FAM13A: variants seen among roughly 807,000 people sequenced by gnomAD.
FAM13A encodes the protein protein FAM13A.
FAM13A carries 76 observed loss-of-function variants against 129.6 expected under a neutral mutation model. The observed-to-expected ratio is 0.59, with a 90% CI of 0.49 to 0.71. The LOEUF is 0.71. Among genes scored for constraint, FAM13A ranks in the 30% least tolerant of loss-of-function variants. The pLI is 0.00. For missense variants in FAM13A, 1,108 were observed against 1,249.3 expected (o/e 0.89, Z 1.70); for synonymous variants, 443 against 449.9 (o/e 0.98, Z 0.20).
chr4:88,913,460 A>AGAG (rs1561319740), intron 5 of FAM13A, among the ~76,000 whole-genome samples: 1 of 145,088 alleles, frequency 6.9e-6, no homozygotes, highest in African/African-American at 2.5e-5. Flanking sequence ...AGGAAGAAGA[A>AGAG]GAAGAGGAGG....
intron 6 of FAM13A, among the ~76,000 whole-genome samples, chr4:88,876,257 T>A (rs1308189812): frequency 6.6e-6 from 1 of 152,102 alleles, no homozygotes; most frequent in Non-Finnish European, 1.5e-5. Context: ...AACCTGCACA[T>A]TGTGCACATG....
chr4:88,905,857 G>C (rs763705203), intron 6 of FAM13A: 1 of 152,464 alleles, frequency 6.6e-6, no homozygotes, highest in Admixed American at 6.5e-5. Context: ...TAAAGGTACT[G>C]TATAAAAAGT....
intron 11 of FAM13A, among the ~76,000 whole-genome samples, chr4:88,779,494 T>C (rs994808359): frequency 6.6e-6 from 1 of 152,216 alleles, no homozygotes; most frequent in African/African-American, 2.4e-5. Flanking sequence ...GAAAACATCT[T>C]TGAGAATACC....
intron 6 of FAM13A, among the ~76,000 whole-genome samples, chr4:88,857,255 T>C (rs535434086): frequency 6.6e-6 from 1 of 152,332 alleles, no homozygotes; most frequent in South Asian, 2.1e-4. Flanking sequence ...AGCAAGTCTG[T>C]ATTTTAGCAT....
At chr4:88,920,686 A>G (rs1750911212) in intron 5 of FAM13A, among the ~76,000 whole-genome samples, 1 of 152,242 alleles carries the variant, frequency 6.6e-6, no homozygotes, top group Admixed American at 6.5e-5. Flanking sequence ...CAGCAACGGA[A>G]CAAAGCTGGA....
intron 1 of FAM13A, among the ~76,000 whole-genome samples, chr4:89,046,285 A>C (rs1309649364): frequency 1.3e-5 from 2 of 152,142 alleles, no homozygotes; most frequent in African/African-American, 2.4e-5. Context: ...AGAAATGAAA[A>C]ACCTGGAACA....
At chr4:88,851,214 G>A in intron 6 of FAM13A, 31 bp from the exon 7 acceptor site, 1 of 1,505,290 alleles carries the variant, frequency 6.6e-7, no homozygotes, top group Non-Finnish European at 8.9e-7. Context: ...GGGTGGGGGA[G>A]AGCTAGATAA....
intron 21 of FAM13A, among the ~76,000 whole-genome samples, chr4:88,737,200 C>G (rs188459063): frequency 6.6e-6 from 1 of 151,858 alleles, no homozygotes; most frequent in East Asian, 1.9e-4. Context: ...TCCCTGAAAG[C>G]GAAGTAAAAA....
chr4:89,049,358 T>A (rs1229555461), intron 1 of FAM13A, among the ~76,000 whole-genome samples: 1 of 152,238 alleles, frequency 6.6e-6, no homozygotes, highest in African/African-American at 2.4e-5. Flanking sequence ...CTCACTTGTT[T>A]ATATATAGTT....
intron 1 of FAM13A, among the ~76,000 whole-genome samples, chr4:89,045,630 C>T (rs1431652175): frequency 6.6e-6 from 1 of 152,108 alleles, no homozygotes; most frequent in African/African-American, 2.4e-5. Flanking sequence ...AAATCATGCA[C>T]TATGTAATAA....
intron 3 of FAM13A, among the ~76,000 whole-genome samples, chr4:89,019,860 T>C (rs534374710): frequency 6.6e-6 from 1 of 152,266 alleles, no homozygotes; most frequent in Non-Finnish European, 1.5e-5. Flanking sequence ...AAAATTATTT[T>C]AGGACTCAAT....
intron 1 of FAM13A, among the ~76,000 whole-genome samples, chr4:89,039,302 T>TAA (rs1248638897): frequency 3.9e-5 from 6 of 152,220 alleles, no homozygotes; most frequent in African/African-American, 1.4e-4. Flanking sequence ...AAATGTAATA[T>TAA]ATGAATCTTG....
chr4:88,877,005 A>G (rs1742648814), intron 6 of FAM13A, among the ~76,000 whole-genome samples: 1 of 152,248 alleles, frequency 6.6e-6, no homozygotes, highest in Non-Finnish European at 1.5e-5. Flanking sequence ...GGAAAAATAC[A>G]TTGAACTGGA....
chr4:89,040,927 T>G (rs893125323), intron 1 of FAM13A, among the ~76,000 whole-genome samples: 1 of 152,210 alleles, frequency 6.6e-6, no homozygotes, highest in Non-Finnish European at 1.5e-5. Flanking sequence ...CTGAGTCTTC[T>G]GCCCTCCACC....
intron 14 of FAM13A, among the ~76,000 whole-genome samples, chr4:88,758,302 A>G (rs1180642858): frequency 6.6e-6 from 1 of 152,276 alleles, no homozygotes; most frequent in East Asian, 1.9e-4. Flanking sequence ...TATCCATAAA[A>G]ACGAACATAG....
At chr4:88,771,836 T>C (rs1279987401) in intron 11 of FAM13A, among the ~76,000 whole-genome samples, 1 of 152,206 alleles carries the variant, frequency 6.6e-6, no homozygotes, top group African/African-American at 2.4e-5. Context: ...ATAATTTATT[T>C]TGATAATTTT....
chr4:88,988,572 T>C (rs1762553037), intron 4 of FAM13A, among the ~76,000 whole-genome samples: 1 of 152,200 alleles, frequency 6.6e-6, no homozygotes, highest in Non-Finnish European at 1.5e-5. Context: ...TTGTTTTATC[T>C]AGTTAATGAG....
chr4:88,893,486 G>T (rs532289945), intron 6 of FAM13A, among the ~76,000 whole-genome samples: 55 of 152,248 alleles, frequency 3.6e-4, no homozygotes, highest in African/African-American at 1.2e-3. Context: ...AGCTGGGCGT[G>T]GTGGCGGGCG....
intron 7 of FAM13A, among the ~76,000 whole-genome samples, chr4:88,827,061 C>T (rs979598977): frequency 1.3e-5 from 2 of 152,302 alleles, no homozygotes; most frequent in South Asian, 2.1e-4. Flanking sequence ...ATTACTTATT[C>T]CTCCATCCCA....
Sources: gnomAD v4.1 joint callset for allele counts (sites outside exome capture counted in the v4.1 genomes callset) on GRCh38, gnomAD v4.1.1 for gene constraint, MANE v1.5 for transcripts, NCBI Gene and HGNC (gene_info 2026-07-23, HGNC 2026-07-21) for gene names.